Variants in THADA observed in about 807,000 individuals in gnomAD.
THADA encodes THADA armadillo repeat containing, also known as tRNA (32-2'-O)-methyltransferase regulator THADA.
THADA carries 213 observed loss-of-function variants against 219.8 expected under a neutral mutation model. That is an observed-to-expected ratio of 0.97 (90% CI 0.87 to 1.09). THADA has a LOEUF of 1.09. THADA is among the 50% of genes least tolerant of loss of function. The probability of loss-of-function intolerance (pLI) is 0.00; values close to 1 mark genes in which losing one functional copy is unlikely to be tolerated. For synonymous variants in THADA, 1,018 were observed against 828.9 expected (o/e 1.23, Z -3.92); for missense variants, 2,956 against 2,311.3 (o/e 1.28, Z -5.72).
intron 22 of THADA, among the ~76,000 whole-genome samples, chr2:43,509,870 C>CT (rs1398760010): frequency 2.6e-5 from 4 of 152,118 alleles, no homozygotes; most frequent in Admixed American, 2.6e-4. Flanking sequence ...CTCTGTGATT[C>CT]TAAAGATTTC....
chr2:43,493,147 C>T (rs1241103332), intron 25 of THADA, among the ~76,000 whole-genome samples: 1 of 152,140 alleles, frequency 6.6e-6, no homozygotes, highest in African/African-American at 2.4e-5. Context: ...TCCTTTGAAA[C>T]CCACTGCATG....
At chr2:43,289,490 AT>A (rs1368434108) in intron 34 of THADA, among the ~76,000 whole-genome samples, 2 of 152,108 alleles carry the variant, frequency 1.3e-5, no homozygotes, top group East Asian at 3.9e-4. Context: ...AGTTCTGTTA[AT>A]TTTTTTCTCC....
At chr2:43,248,184 G>GCT (rs1558464507) in intron 36 of THADA, among the ~76,000 whole-genome samples, 3 of 116,444 alleles carry the variant, frequency 2.6e-5, no homozygotes, top group African/African-American at 1.3e-4. Context: ...GAGAGAGAGA[G>GCT]AGAGAGAGAG....
intron 26 of THADA, among the ~76,000 whole-genome samples, chr2:43,458,992 C>G (rs1395250802): frequency 6.6e-6 from 1 of 152,100 alleles, no homozygotes; most frequent in Non-Finnish European, 1.5e-5. Flanking sequence ...GTCTAGGTAC[C>G]ACTTGTCTTG....
intron 30 of THADA, among the ~76,000 whole-genome samples, chr2:43,327,478 A>AG (rs144594631): frequency 5.1e-5 from 6 of 117,232 alleles, no homozygotes; most frequent in African/African-American, 1.6e-4. Flanking sequence ...AGAAGTAAAG[A>AG]GGGGGGGTGG....
At chr2:43,430,831 A>G (rs1050467977) in intron 26 of THADA, among the ~76,000 whole-genome samples, 1 of 152,150 alleles carries the variant, frequency 6.6e-6, no homozygotes, top group South Asian at 2.1e-4. Context: ...CTCCCCAACA[A>G]TCATGACAAT....
intron 25 of THADA, among the ~76,000 whole-genome samples, chr2:43,494,213 G>A (rs1687991221): frequency 6.6e-6 from 1 of 152,192 alleles, no homozygotes; most frequent in Admixed American, 6.5e-5. Context: ...TGTTCCAAAA[G>A]GTGGTAGTTT....
At chr2:43,572,567 G>C (rs1699414155) in intron 12 of THADA, among the ~76,000 whole-genome samples, 1 of 152,152 alleles carries the variant, frequency 6.6e-6, no homozygotes, top group Admixed American at 6.5e-5. Context: ...TGGCATGCTT[G>C]TATCTGTATT....
rs1339832701 is a variant in THADA, at chr2:43,291,640, G to A, written c.5010+56C>T. On this transcript the variant is annotated intron_variant, in intron 34 of 37. Transcript: ENST00000405975. ...CTGTTCACTTTTACTGACATCTTCT[G>A]AGTAAATGAGAACAAAAAATCCTAG... 5.1e-6 allele frequency: 7 copies of A among 1,386,090 alleles called. No individual in the cohort carries two copies. In the East Asian group the frequency reaches 1.5e-4, roughly 30 times the overall value. The allele number at this position is 1,386,090 out of a possible 1,614,324, so 85.9% of individuals were successfully genotyped here. A position where few individuals can be genotyped will look rare whatever the true frequency, so the allele number is the denominator to read the frequency against.
intron 26 of THADA, among the ~76,000 whole-genome samples, chr2:43,439,747 G>A (rs958523276): frequency 1.3e-5 from 2 of 152,130 alleles, no homozygotes; most frequent in Non-Finnish European, 2.9e-5. Flanking sequence ...TCCATGGTTC[G>A]AGGCATCCAC....
intron 29 of THADA, among the ~76,000 whole-genome samples, chr2:43,392,088 A>T (rs1271622231): frequency 6.6e-6 from 1 of 152,224 alleles, no homozygotes; most frequent in East Asian, 1.9e-4. Context: ...AACAAACAAC[A>T]ATGGAGACGG....
chr2:43,558,791 A>G (rs2103925451), intron 16 of THADA, among the ~76,000 whole-genome samples: 1 of 151,982 alleles, frequency 6.6e-6, no homozygotes, highest in African/African-American at 2.4e-5. Flanking sequence ...CCTCTAGAAA[A>G]CCCTAATACA....
At chr2:43,443,773 C>T (rs919657961) in intron 26 of THADA, among the ~76,000 whole-genome samples, 3 of 152,186 alleles carry the variant, frequency 2.0e-5, no homozygotes, top group Admixed American at 1.3e-4. Flanking sequence ...GTGAGTTATT[C>T]CCTCTCCCAC....
intron 26 of THADA, among the ~76,000 whole-genome samples, chr2:43,453,645 AAAGTACTCTG>A (rs1179506870): frequency 2.6e-5 from 4 of 152,146 alleles, no homozygotes; most frequent in Non-Finnish European, 5.9e-5. Context: ...CTGGTTTTTT[AAAGTACTCTG>A]AAGTTAGTAG....
chr2:43,415,882 T>A (rs1338472012), intron 28 of THADA, among the ~76,000 whole-genome samples: 1 of 147,440 alleles, frequency 6.8e-6, no homozygotes, highest in African/African-American at 2.5e-5. Context: ...AGAATGCAAA[T>A]CTCTCTCTAG....
chr2:43,591,993 G>A lies in THADA; in HGVS notation c.130C>T (p.Gln44Ter). The A allele has an allele frequency of 6.4e-7, 1 of 1,562,722 alleles. No homozygotes were observed. The highest frequency in any genetic ancestry group is 8.7e-7 in the Non-Finnish European group (1 of 1,152,112). Residue 44 changes from glutamine (Q) to a stop codon, truncating the protein, a stop_gained, in exon 3 of 38, where the codon CAA becomes TAA. Transcript: ENST00000405975. LOFTEE classifies it high-confidence loss of function. ...ATTTGTGACACTCCATCCGTGAGTT[G>A]CACACAATGTAACAGCAAAGAAGCT... ...NLASLLLHCVQLTDGVSQIHY... is the reference protein window; with the variant it reads ...NLASLLLHCV
At chr2:43,461,403 A>G (rs963476268) in intron 26 of THADA, among the ~76,000 whole-genome samples, 2 of 152,180 alleles carry the variant, frequency 1.3e-5, no homozygotes, top group Non-Finnish European at 2.9e-5. Flanking sequence ...TTTAAGTACT[A>G]AAAAATGATT....
intron 29 of THADA, among the ~76,000 whole-genome samples, chr2:43,390,789 C>T (rs560728830): frequency 2.3e-4 from 35 of 152,314 alleles, no homozygotes; most frequent in African/African-American, 7.5e-4. Context: ...ATAGTCCAAG[C>T]ACCCAGAACA....
chr2:43,497,630 T>A (rs1281055277), intron 25 of THADA, among the ~76,000 whole-genome samples: 1 of 152,190 alleles, frequency 6.6e-6, no homozygotes. Flanking sequence ...CTCATGCCTG[T>A]AATCCCAACA....
Sources: allele counts gnomAD v4.1 joint callset (sites outside exome capture counted in the v4.1 genomes callset), GRCh38; gene constraint gnomAD v4.1.1; transcripts MANE v1.5; gene names NCBI Gene and HGNC (gene_info 2026-07-23, HGNC 2026-07-21).